DIAPH2: variants seen among roughly 807,000 people sequenced by gnomAD.
DIAPH2 encodes the protein protein diaphanous homolog 2.
Under a neutral mutation model 92.7 loss-of-function variants are expected in DIAPH2, and 35 were observed. That is an observed-to-expected ratio of 0.38 (90% confidence interval 0.29 to 0.50). The LOEUF (loss-of-function observed/expected upper bound fraction) is 0.50, where lower values mean the gene tolerates loss of function less well. Among genes scored for constraint, DIAPH2 ranks in the 20% least tolerant of loss-of-function variants. The pLI, the probability that DIAPH2 is intolerant of heterozygous loss-of-function variation, is 0.94. For synonymous variants in DIAPH2, 301 were observed against 280.4 expected, an observed-to-expected ratio of 1.07 and a Z score of -0.73; for missense variants, 701 against 819.5, an observed-to-expected ratio of 0.86 and a Z score of 1.77.
chrX:96,924,114 C>A (rs1305991308), intron 9 of DIAPH2, among the ~76,000 whole-genome samples: 1 of 111,421 alleles, frequency 9.0e-6, no homozygotes, highest in Non-Finnish European at 1.9e-5. Flanking sequence ...TAGCTTTGGA[C>A]AAAGTATTAA....
intron 4 of DIAPH2, among the ~76,000 whole-genome samples, chrX:96,851,735 G>A (rs1395833786): frequency 3.6e-5 from 4 of 111,948 alleles, no homozygotes; most frequent in East Asian, 2.8e-4. Context: ...ACCCACAGCC[G>A]CAGAGGGCTG....
At chrX:97,008,495 G>T (rs771166478) in intron 17 of DIAPH2, among the ~76,000 whole-genome samples, 1 of 111,189 alleles carries the variant, frequency 9.0e-6, no homozygotes, top group East Asian at 2.8e-4. Flanking sequence ...TGGTGTCCGG[G>T]TGTTGATTAA....
intron 21 of DIAPH2, among the ~76,000 whole-genome samples, chrX:97,120,614 G>GTTTTTT (rs139009030): frequency 9.2e-5 from 7 of 75,821 alleles, no homozygotes; most frequent in African/African-American, 1.6e-4. Context: ...TTTTTTGTGG[G>GTTTTTT]TTTTTTTTTT....
In DIAPH2 at chrX:96,862,129, C is replaced by G. The variant is rs778564797; in HGVS notation, c.448-19450C>G. ...TACATTACTGAAAAATAAGGACCAC[C>G]TGAGTAGCATTGTACCTTTGGTTTA... On this transcript the variant is annotated intron_variant, in intron 4 of 26. Transcript: ENST00000324765. 2.7e-5 allele frequency among the ~76,000 whole-genome samples: 3 copies of G among 111,895 alleles called. No homozygotes were observed. In the South Asian group the frequency reaches 1.1e-3, roughly 42 times the overall value.
chrX:96,686,094 T>C (rs906285917), intron 1 of DIAPH2, among the ~76,000 whole-genome samples: 9 of 111,987 alleles, frequency 8.0e-5, no homozygotes. Context: ...AGGGTTTTCC[T>C]GTACAAATTC....
chrX:96,799,475 G>A (rs1429559679), intron 4 of DIAPH2, among the ~76,000 whole-genome samples: 2 of 111,764 alleles, frequency 1.8e-5, no homozygotes, highest in Non-Finnish European at 3.8e-5. Flanking sequence ...ATAGGCCCTT[G>A]AATTTGTATT....
chrX:97,310,697 C>G (rs1253479491), intron 23 of DIAPH2, among the ~76,000 whole-genome samples: 2 of 110,979 alleles, frequency 1.8e-5, no homozygotes, highest in Non-Finnish European at 3.8e-5. Flanking sequence ...GTTGTACACC[C>G]AAATGATATA....
rs1162334546 is a variant in DIAPH2, at chrX:97,600,010, G to A, written c.*693G>A. ...AAAATAAATAAACCAAAGTTTAACC[G>A]AATCAGTTAGGGAAAGTGATTTAAA... On this transcript the variant is annotated 3_prime_UTR_variant, in exon 27 of 27. Transcript: ENST00000324765. 2 of 112,393 alleles carry A rather than the reference G, an allele frequency of 1.8e-5. No homozygotes were observed. The highest frequency in any genetic ancestry group is 3.7e-4 in the South Asian group (1 of 2,715). 9.3% of individuals were successfully genotyped at this position (112,393 alleles called of 1,213,427 possible).
At chrX:97,120,558 A>G (rs1372927796) in intron 21 of DIAPH2, among the ~76,000 whole-genome samples, 3 of 107,013 alleles carry the variant, frequency 2.8e-5, no homozygotes, top group Non-Finnish European at 5.7e-5. Flanking sequence ...CCCGTCTGCC[A>G]TGATCCTCCC....
At chrX:97,261,869 G>C (rs1189222145) in intron 23 of DIAPH2, among the ~76,000 whole-genome samples, 1 of 111,522 alleles carries the variant, frequency 9.0e-6, no homozygotes, top group Non-Finnish European at 1.9e-5. Flanking sequence ...AAGCTAGGTA[G>C]TACGTTCATC....
intron 26 of DIAPH2, among the ~76,000 whole-genome samples, chrX:97,472,290 A>G (rs1205150356): frequency 2.7e-5 from 3 of 112,400 alleles, no homozygotes; most frequent in African/African-American, 9.7e-5. Flanking sequence ...AAACACTTTC[A>G]GGCTTTTCCA....
intron 5 of DIAPH2, chrX:96,883,845 T>C (rs1371033902): frequency 8.5e-6 from 1 of 117,941 alleles, no homozygotes; most frequent in Non-Finnish European, 1.7e-5. Context: ...TTTGAATGAA[T>C]GAATAAATGA....
intron 17 of DIAPH2, among the ~76,000 whole-genome samples, chrX:96,973,688 CTTTTTTTTT>C (rs1169211955): frequency 2.1e-5 from 1 of 46,703 alleles, no homozygotes; most frequent in Admixed American, 3.1e-4. Context: ...TGAATATTTG[CTTTTTTTTT>C]TTTTTTTTTT....
At chrX:97,083,359 T>A in intron 19 of DIAPH2, among the ~76,000 whole-genome samples, 1 of 112,626 alleles carries the variant, frequency 8.9e-6, no homozygotes, top group East Asian at 2.8e-4. Context: ...GGTAGACACG[T>A]AGATTCATTG....
chrX:96,966,093 A>G (rs1043144873), intron 17 of DIAPH2, among the ~76,000 whole-genome samples: 1 of 111,410 alleles, frequency 9.0e-6, no homozygotes, highest in Non-Finnish European at 1.9e-5. Context: ...AGGTGTGAAA[A>G]TTAGTTTCTT....
intron 25 of DIAPH2, among the ~76,000 whole-genome samples, chrX:97,428,553 G>T: frequency 9.1e-6 from 1 of 109,888 alleles, no homozygotes. Flanking sequence ...AAAAAAAAAT[G>T]TATTTTCATT....
At chrX:97,190,386 T>A (rs1006553843) in intron 22 of DIAPH2, among the ~76,000 whole-genome samples, 2 of 112,190 alleles carry the variant, frequency 1.8e-5, no homozygotes, top group East Asian at 5.6e-4. Flanking sequence ...TTCAGCAGAG[T>A]GGAGAGAATT....
intron 26 of DIAPH2, among the ~76,000 whole-genome samples, chrX:97,518,267 C>A (rs1331024948): frequency 1.8e-5 from 2 of 111,538 alleles, no homozygotes; most frequent in African/African-American, 6.5e-5. Context: ...GATAAACTTA[C>A]ATAAACAGTG....
chrX:96,928,848 GTATT>G (rs907270487), intron 9 of DIAPH2, among the ~76,000 whole-genome samples: 8 of 111,119 alleles, frequency 7.2e-5, no homozygotes, highest in East Asian at 2.8e-4. Context: ...TGTAAAGTGA[GTATT>G]TAATATATTG....
Sources: allele counts gnomAD v4.1 joint callset (sites outside exome capture counted in the v4.1 genomes callset), GRCh38; gene constraint gnomAD v4.1.1; transcripts MANE v1.5; gene names NCBI Gene and HGNC (gene_info 2026-07-23, HGNC 2026-07-21).